The following SORL1 variants were observed in gnomAD, a reference collection of about 807,000 sequenced individuals.
SORL1 encodes sortilin related receptor 1, also known as sortilin-related receptor.
A neutral mutation model predicts 273.7 loss-of-function variants in SORL1; 127 were observed. That is an observed-to-expected ratio of 0.46 (90% CI 0.40 to 0.54). SORL1 has a LOEUF of 0.54. Among genes scored for constraint, SORL1 ranks in the 20% least tolerant of loss-of-function variants. The probability of loss-of-function intolerance (pLI) is 0.00; values close to 1 mark genes in which losing one functional copy is unlikely to be tolerated. For missense variants in SORL1, 2,494 were observed against 2,846.1 expected, an observed-to-expected ratio of 0.88 and a Z score of 2.81; for synonymous variants, 1,031 against 1,067.4, an observed-to-expected ratio of 0.97 and a Z score of 0.66.
At chr11:121,549,800 G>C (rs1284058981) in intron 14 of SORL1, among the ~76,000 whole-genome samples, 160 bp from the exon 15 acceptor site, 1 of 150,408 alleles carries the variant, frequency 6.6e-6, no homozygotes, top group Non-Finnish European at 1.5e-5. Flanking sequence ...ATCTTCTTTT[G>C]AAGATGTATT....
chr11:121,580,215 A>C (rs1474326709), intron 25 of SORL1, among the ~76,000 whole-genome samples: 1 of 152,236 alleles, frequency 6.6e-6, no homozygotes, highest in Non-Finnish European at 1.5e-5. Flanking sequence ...CTCTTCAACT[A>C]TACCTGTTGG....
At chr11:121,626,575 T>C (rs1342727945) in intron 46 of SORL1, 1 of 152,228 alleles carries the variant, frequency 6.6e-6, no homozygotes, top group Non-Finnish European at 1.5e-5. Context: ...GAATACCCTG[T>C]CAGGGTGAAT....
intron 18 of SORL1, among the ~76,000 whole-genome samples, chr11:121,556,612 A>T (rs935961794): frequency 2.6e-5 from 4 of 152,212 alleles, no homozygotes; most frequent in Admixed American, 2.0e-4. Context: ...CCACTGCACA[A>T]CTCAAATACT....
chr11:121,532,319 T>C (rs1862213559), intron 11 of SORL1, 145 bp from the exon 12 acceptor site: 1 of 670,522 alleles, frequency 1.5e-6, no homozygotes, highest in Admixed American at 2.5e-5. Flanking sequence ...GTCAATGTCT[T>C]CTGTAAACGG....
chr11:121,574,758 T>C (rs1465990542), intron 24 of SORL1, among the ~76,000 whole-genome samples: 1 of 152,148 alleles, frequency 6.6e-6, no homozygotes, highest in Non-Finnish European at 1.5e-5. Context: ...CTTTGTTTTC[T>C]AGTCTGAAAA....
intron 41 of SORL1, among the ~76,000 whole-genome samples, chr11:121,618,430 C>T (rs1863670174): frequency 6.6e-6 from 1 of 152,118 alleles, no homozygotes. Flanking sequence ...TCTTTAATAA[C>T]CCCCCGTTCC....
intron 1 of SORL1, among the ~76,000 whole-genome samples, chr11:121,467,808 C>A (rs556459225): frequency 3.9e-5 from 6 of 152,256 alleles, no homozygotes; most frequent in African/African-American, 1.4e-4. Flanking sequence ...TTATTTACTT[C>A]TATTTCTTAT....
intron 25 of SORL1, among the ~76,000 whole-genome samples, chr11:121,577,887 C>T (rs2134938403): frequency 6.6e-6 from 1 of 152,224 alleles, no homozygotes; most frequent in East Asian, 1.9e-4. Context: ...GTAGTGTTCT[C>T]ATTCTTTTGT....
chr11:121,629,399 G>C (rs1418618014), intron 47 of SORL1, 97 bp from the exon 48 acceptor site: 2 of 738,850 alleles, frequency 2.7e-6, no homozygotes, highest in Non-Finnish European at 5.0e-6. Context: ...CTCAGCTAGA[G>C]GGTTGTGGTA....
chr11:121,555,123 G>A lies in SORL1; in HGVS notation c.2440-64G>A, dbSNP rs1487373183. On this transcript the variant is annotated intron_variant, in intron 17 of 47. Coordinates refer to ENST00000260197, the MANE Select transcript of SORL1 (RefSeq NM_003105.6). ...TTGAATAAAGGGTTACCCTTCATGG[G>A]ACTGACTTGGCAGGGGGTCGTTTGA... 6 of 1,526,588 alleles carry A rather than the reference G, an allele frequency of 3.9e-6. No individual in the cohort carries two copies. In the African/African-American group the frequency reaches 5.6e-5, roughly 14 times the overall value. 94.6% of individuals were successfully genotyped at this position (1,526,588 alleles called of 1,614,324 possible).
chr11:121,568,121 A>G (rs924173882), intron 22 of SORL1, among the ~76,000 whole-genome samples: 1 of 152,170 alleles, frequency 6.6e-6, no homozygotes, highest in African/African-American at 2.4e-5. Flanking sequence ...ATCTGGGCTC[A>G]AGGGATCCTC....
intron 31 of SORL1, 118 bp downstream of exon 31, chr11:121,591,274 G>A: frequency 9.8e-7 from 1 of 1,019,222 alleles, no homozygotes; most frequent in South Asian, 1.5e-5. Context: ...GGACTCTGCT[G>A]TGTGGCCAGG....
Position 121,570,290 on chromosome 11 carries a change from C to T in SORL1, c.3337+20C>T, listed in dbSNP as rs371067925. ...ACTGCCGTGAGTCTTCTGGATTGGA[C>T]GTTAAGCACTTACCATTACTCAGAA... On this transcript the variant is annotated intron_variant, in intron 23 of 47. Coordinates refer to ENST00000260197, the MANE Select transcript of SORL1 (RefSeq NM_003105.6). 26 of 1,570,052 alleles carry T rather than the reference C, an allele frequency of 1.7e-5. No individual in the cohort carries two copies. Among genetic ancestry groups the T allele is most frequent in the Middle Eastern group, 1.7e-4 (1 of 5,990 alleles).
chr11:121,587,947 C>CG, intron 27 of SORL1, 73 bp from the exon 28 acceptor site: 1 of 1,581,954 alleles, frequency 6.3e-7, no homozygotes, highest in Non-Finnish European at 8.6e-7. Context: ...TACTCGTGTG[C>CG]ACTTGCCCAG....
At chr11:121,487,028 T>C (rs1861484225) in intron 3 of SORL1, among the ~76,000 whole-genome samples, 1 of 152,186 alleles carries the variant, frequency 6.6e-6, no homozygotes, top group Non-Finnish European at 1.5e-5. Context: ...AAACCCACAC[T>C]GCCCTAGACG....
chr11:121,588,171 G>A lies in SORL1; in HGVS notation c.3946+20G>A. The stretch of plus-strand genomic sequence containing the variant: ...GATGCTGTGAGTTGGGGCAGGCAGG[G>A]GAGGTGACTCACGGTCACTAAAGAA... On this transcript the variant is annotated intron_variant, in intron 28 of 47. Coordinates refer to ENST00000260197, the MANE Select transcript of SORL1 (RefSeq NM_003105.6). 1 of 1,611,802 alleles carries A rather than the reference G, an allele frequency of 6.2e-7. No homozygotes were observed.
At chr11:121,541,864 G>A (rs2134884258) in intron 12 of SORL1, among the ~76,000 whole-genome samples, 1 of 152,304 alleles carries the variant, frequency 6.6e-6, no homozygotes, top group South Asian at 2.1e-4. Flanking sequence ...ATGCTGCTTA[G>A]TTTTTCAAGG....
intron 12 of SORL1, among the ~76,000 whole-genome samples, chr11:121,534,222 A>T (rs1862239529): frequency 6.6e-6 from 1 of 152,216 alleles, no homozygotes; most frequent in South Asian, 2.1e-4. Flanking sequence ...TTTCAGAGTC[A>T]GTTCTCGATT....
Position 121,536,823 on chromosome 11 carries a change from A to C in SORL1, c.1685+4271A>C, listed in dbSNP as rs143140978. On this transcript the variant is annotated intron_variant, in intron 12 of 47. Coordinates refer to ENST00000260197, the MANE Select transcript of SORL1 (RefSeq NM_003105.6). The stretch of plus-strand genomic sequence containing the variant: ...CTTTCTGTGTGCTAGGAAAGATTCG[A>C]GGTGCCAGGGGCAGAAAAGTAAGAG... Among the ~76,000 whole-genome samples the C allele has an allele frequency of 3.3e-4, 51 of 152,260 alleles. No individual in the cohort carries two copies. In the East Asian group the frequency reaches 9.7e-3, roughly 29 times the overall value.
Sources: gnomAD v4.1 joint callset for allele counts (sites outside exome capture counted in the v4.1 genomes callset) on GRCh38, gnomAD v4.1.1 for gene constraint, MANE v1.5 for transcripts, NCBI Gene and HGNC (gene_info 2026-07-23, HGNC 2026-07-21) for gene names.